The following SMIM19 variants were observed in gnomAD, a reference collection of about 807,000 sequenced individuals.
SMIM19 encodes the protein UPF0697 protein C8orf40.
In SMIM19, 6 loss-of-function variants were observed where a neutral mutation model predicts 13.2. The ratio of observed to expected loss-of-function variants is 0.45; its 90% confidence interval spans 0.25 to 0.90. SMIM19 has a LOEUF of 0.90. Among genes scored for constraint, SMIM19 ranks in the 40% least tolerant of loss-of-function variants. The pLI is 0.19. For synonymous variants in SMIM19, 46 were observed against 43.1 expected (o/e 1.07, Z -0.27); for missense variants, 138 against 131.0 (o/e 1.05, Z -0.26).
Position 42,554,115 on chromosome 8 carries a change from T to A in SMIM19, c.*1507T>A, listed in dbSNP as rs1813753670. On this transcript the variant is annotated 3_prime_UTR_variant, in exon 4 of 4. Coordinates refer to ENST00000417410, the MANE Select transcript of SMIM19 (RefSeq NM_001135674.2). ...TCATTCAGGGAAATTGCATTTACTTTTAAAAATGTGTTGTTCAAAAATGTA... is the reference window on the plus strand; with the variant it reads ...TCATTCAGGGAAATTGCATTTACTTATAAAAATGTGTTGTTCAAAAATGTA... The A allele has an allele frequency of 6.6e-6, 1 of 152,242 alleles. No individual in the cohort carries two copies. Among genetic ancestry groups the A allele is most frequent in the Non-Finnish European group, 1.5e-5 (1 of 68,046 alleles). 9.4% of individuals were successfully genotyped at this position (152,242 alleles called of 1,614,324 possible). A position where few individuals can be genotyped will look rare whatever the true frequency, so the allele number is the denominator to read the frequency against.
chr8:42,548,552 A>G (rs1586328256), intron 2 of SMIM19, 104 bp from the exon 3 acceptor site: 1 of 1,455,918 alleles, frequency 6.9e-7, no homozygotes, highest in South Asian at 1.1e-5. Flanking sequence ...TGGTCTTGTC[A>G]TTTAAGTCCT....
Position 42,546,444 on chromosome 8 carries a change from C to G in SMIM19, c.-4-25C>G, listed in dbSNP as rs756681468. 4 of 1,581,932 alleles carry G rather than the reference C, an allele frequency of 2.5e-6. No homozygotes were observed. The Admixed American group carries it at 7.9e-5, about 31-fold the overall frequency. On this transcript the variant is annotated intron_variant, in intron 1 of 3. Coordinates refer to ENST00000417410, the MANE Select transcript of SMIM19 (RefSeq NM_001135674.2). ...TGCTACCATCATTAATTAAAAGAAA[C>G]CCTGCTTTCTTTTCTCTCTTACAGC...
intron 2 of SMIM19, among the ~76,000 whole-genome samples, chr8:42,547,524 G>A (rs1331435789): frequency 6.6e-6 from 1 of 151,922 alleles, no homozygotes; most frequent in Non-Finnish European, 1.5e-5. Context: ...ATTTTTTTTG[G>A]CTTAAGTCCC....
intron 3 of SMIM19, among the ~76,000 whole-genome samples, chr8:42,550,635 C>T (rs543295215): frequency 2.6e-5 from 4 of 152,156 alleles, no homozygotes; most frequent in Non-Finnish European, 5.9e-5. Context: ...GTAATTTTAA[C>T]GGCCCATCTG....
intron 2 of SMIM19, among the ~76,000 whole-genome samples, chr8:42,548,156 A>G (rs555717033): frequency 2.0e-5 from 3 of 152,138 alleles, no homozygotes; most frequent in Non-Finnish European, 2.9e-5. Context: ...CCGCCTCCCC[A>G]TGTTTCTTTT....
In SMIM19 at chr8:42,548,759, C is replaced by A; in HGVS notation, c.238C>A (p.Gln80Lys). 6.2e-7 allele frequency: 1 copy of A among 1,613,730 alleles called. No individual in the cohort carries two copies. The highest frequency in any genetic ancestry group is 2.2e-5 in the East Asian group (1 of 44,828). Residue 80 changes from glutamine to lysine, a missense_variant, in exon 3 of 4, where the codon CAA becomes AAA. Gln to Lys is a moderately conservative substitution (Grantham distance 53, BLOSUM62 1). Coordinates refer to ENST00000417410, the MANE Select transcript of SMIM19 (RefSeq NM_001135674.2). ...GATAAGCAAGATTCGTTTAAGACAA[C>A]AACTGGAAATGTATTCCATTTGTAA... ...DTISKIRLRQ[Q>K]LEMYSISRKY...
In SMIM19 at chr8:42,552,661, T is replaced by C. The variant is rs1813712753; in HGVS notation, c.*53T>C. The C allele has an allele frequency of 1.9e-6, 3 of 1,557,646 alleles. No individual in the cohort carries two copies. The highest frequency in any genetic ancestry group is 2.6e-6 in the Non-Finnish European group (3 of 1,133,928). On this transcript the variant is annotated 3_prime_UTR_variant, in exon 4 of 4. Coordinates refer to ENST00000417410, the MANE Select transcript of SMIM19 (RefSeq NM_001135674.2). The stretch of plus-strand genomic sequence containing the variant: ...ATTGTTTCAAGCTCCTGATTCTTTC[T>C]ACTAAATCATGAACAGCTTTAAAAA...
intron 2 of SMIM19, among the ~76,000 whole-genome samples, chr8:42,547,229 G>A (rs1360210526): frequency 4.6e-5 from 7 of 151,920 alleles, no homozygotes; most frequent in African/African-American, 1.7e-4. Flanking sequence ...GCGTGATGGC[G>A]TGAGCCTGTA....
rs975897760 is a variant in SMIM19, at chr8:42,542,501, A to T, written c.-5+128A>T. The T allele has an allele frequency of 2.3e-5, 23 of 982,966 alleles. 1 individual carries two copies. Among genetic ancestry groups the T allele is most frequent in the Middle Eastern group, 1.0e-3 (2 of 1,910 alleles). 60.9% of individuals were successfully genotyped at this position (982,966 alleles called of 1,614,324 possible). On this transcript the variant is annotated intron_variant, in intron 1 of 3. Coordinates refer to ENST00000417410, the MANE Select transcript of SMIM19 (RefSeq NM_001135674.2). Reference sequence around the variant, plus strand: ...CTAGGAACTAAGTGGTTCCAATGTGAATTTGTATCAAAGTAACAAAGTTCT... The same window carrying T: ...CTAGGAACTAAGTGGTTCCAATGTGTATTTGTATCAAAGTAACAAAGTTCT...
intron 3 of SMIM19, among the ~76,000 whole-genome samples, chr8:42,549,895 G>A (rs1162216421): frequency 6.6e-6 from 1 of 151,842 alleles, no homozygotes; most frequent in Non-Finnish European, 1.5e-5. Context: ...TCAGGAGTTC[G>A]AGACCAGCCT....
intron 2 of SMIM19, chr8:42,548,379 T>C (rs917882016): frequency 5.9e-6 from 3 of 504,414 alleles, no homozygotes; most frequent in African/African-American, 1.9e-5. Context: ...TCATAGGATA[T>C]TTGGCTTTTG....
intron 3 of SMIM19, among the ~76,000 whole-genome samples, chr8:42,551,821 G>A (rs1187076019): frequency 6.6e-6 from 1 of 152,104 alleles, no homozygotes; most frequent in Admixed American, 6.6e-5. Flanking sequence ...ATGTCCACCA[G>A]TAGTCCCAGC....
At chr8:42,551,377 G>T (rs146668706) in intron 3 of SMIM19, among the ~76,000 whole-genome samples, 75 of 151,100 alleles carry the variant, frequency 5.0e-4, no homozygotes, top group African/African-American at 1.7e-3. Flanking sequence ...ATGACACAAA[G>T]ATTTTTAGCC....
chr8:42,551,311 CAAA>C (rs35606576), intron 3 of SMIM19, among the ~76,000 whole-genome samples: 7 of 118,496 alleles, frequency 5.9e-5, no homozygotes, highest in South Asian at 2.7e-4. Flanking sequence ...GAGCGAGACT[CAAA>C]AAAAAAAAAA....
chr8:42,543,746 GATAA>G (rs944521261), intron 1 of SMIM19, among the ~76,000 whole-genome samples: 2 of 152,190 alleles, frequency 1.3e-5, no homozygotes, highest in Non-Finnish European at 2.9e-5. Flanking sequence ...TAATTTGTCA[GATAA>G]ATGACACCCG....
At chr8:42,544,403 T>A (rs1230031098) in intron 1 of SMIM19, among the ~76,000 whole-genome samples, 5 of 145,778 alleles carry the variant, frequency 3.4e-5, no homozygotes, top group Non-Finnish European at 7.4e-5. Context: ...AGAGCGAGAC[T>A]CTGTCTCAGG....
At chr8:42,548,313 TATC>T (rs1813553592) in intron 2 of SMIM19, 1 of 448,238 alleles carries the variant, frequency 2.2e-6, no homozygotes, top group Non-Finnish European at 4.6e-6. Flanking sequence ...CATTTAGCTT[TATC>T]TGGATGTCAT....
intron 3 of SMIM19, 101 bp downstream of exon 3, chr8:42,548,881 T>A: frequency 7.9e-7 from 1 of 1,263,372 alleles, no homozygotes; most frequent in Non-Finnish European, 1.1e-6. Context: ...TCGTAAGTAA[T>A]GAAAACTTAG....
chr8:42,541,706 G>C lies in SMIM19; in HGVS notation c.-672G>C, dbSNP rs1404458849. 2.0e-5 allele frequency: 3 copies of C among 149,228 alleles called. No homozygotes were observed. Among genetic ancestry groups the C allele is most frequent in the Non-Finnish European group, 3.0e-5 (2 of 67,044 alleles). The allele number at this position is 149,228 out of a possible 1,614,324, so 9.2% of individuals were successfully genotyped here. ...GCGTGCCGCCTCCGGAGCCGGCAGCGTGAGTGGCCCCGCGTCCCCGCTTCT... is the reference window on the plus strand; with the variant it reads ...GCGTGCCGCCTCCGGAGCCGGCAGCCTGAGTGGCCCCGCGTCCCCGCTTCT... On this transcript the variant is annotated 5_prime_UTR_variant, in exon 1 of 4. Transcript: ENST00000417410.
Sources: gnomAD v4.1 joint callset for allele counts (sites outside exome capture counted in the v4.1 genomes callset) on GRCh38, gnomAD v4.1.1 for gene constraint, MANE v1.5 for transcripts, NCBI Gene and HGNC (gene_info 2026-07-23, HGNC 2026-07-21) for gene names.